COL9A1: variants seen among roughly 807,000 people sequenced by gnomAD.
COL9A1 encodes the protein collagen alpha-1(IX) chain.
In COL9A1, 104 loss-of-function variants were observed where a neutral mutation model predicts 142.6. The observed-to-expected ratio is 0.73, with a 90% CI of 0.62 to 0.86. COL9A1 has a LOEUF of 0.86. COL9A1 is among the 40% of genes least tolerant of loss of function. COL9A1 has a pLI of 0.00. For missense variants in COL9A1, 1,210 were observed against 1,176.6 expected (o/e 1.03, Z -0.42); for synonymous variants, 466 against 396.0 (o/e 1.18, Z -2.10).
At chr6:70,251,067 A>T (rs1268769851) in intron 28 of COL9A1, among the ~76,000 whole-genome samples, 23 of 152,334 alleles carry the variant, frequency 1.5e-4, no homozygotes, top group Non-Finnish European at 5.9e-5. Flanking sequence ...ACGGCCAAAA[A>T]ATGGAAACAA....
chr6:70,281,067 C>A (rs200362366), intron 8 of COL9A1, 28 bp from the exon 9 acceptor site: 390 of 1,596,876 alleles, frequency 2.4e-4, no homozygotes, highest in Non-Finnish European at 3.2e-4. Flanking sequence ...AAAGAGAGAG[C>A]AGTCTATGAG....
chr6:70,289,249 T>C (rs1773568280), intron 5 of COL9A1, among the ~76,000 whole-genome samples: 1 of 152,204 alleles, frequency 6.6e-6, no homozygotes, highest in African/African-American at 2.4e-5. Flanking sequence ...CTTTATGGTC[T>C]TAGCCCATGT....
intron 5 of COL9A1, among the ~76,000 whole-genome samples, chr6:70,293,324 C>G (rs757443379): frequency 6.6e-6 from 1 of 152,110 alleles, no homozygotes. Flanking sequence ...TATAAAACAT[C>G]CTTTTAAAGC....
chr6:70,279,769 A>G lies in COL9A1; in HGVS notation c.975+1043T>C, dbSNP rs1773017973. 5 of 434,536 alleles carry G rather than the reference A, an allele frequency of 1.2e-5. No homozygotes were observed. The South Asian group carries it at 2.4e-4, about 21-fold the overall frequency. The allele number at this position is 434,536 out of a possible 1,614,324, so 26.9% of individuals were successfully genotyped here. On this transcript the variant is annotated intron_variant, in intron 10 of 37. Transcript: ENST00000357250. ...AAAGAAAGCACACCTTAATAACAGT[A>G]AAAATCCAGTTATTTATTTTTCTTT...
At chr6:70,261,712 A>G (rs1359951268) in intron 19 of COL9A1, among the ~76,000 whole-genome samples, 2 of 152,222 alleles carry the variant, frequency 1.3e-5, no homozygotes, top group Non-Finnish European at 2.9e-5. Context: ...AGATGTGGCC[A>G]TATCAGATGA....
intron 7 of COL9A1, 54 bp downstream of exon 7, chr6:70,282,844 G>T: frequency 6.2e-7 from 1 of 1,613,430 alleles, no homozygotes; most frequent in East Asian, 2.2e-5. Context: ...GCTGCGCCCC[G>T]ACCTGTCCTC....
chr6:70,276,050 A>G (rs186575998), intron 10 of COL9A1, among the ~76,000 whole-genome samples: 36 of 152,328 alleles, frequency 2.4e-4, no homozygotes, highest in Admixed American at 1.8e-3. Flanking sequence ...AATAGAAAAA[A>G]ATGAGTTGAA....
chr6:70,282,479 A>C (rs1299387705), intron 7 of COL9A1, among the ~76,000 whole-genome samples: 1 of 147,314 alleles, frequency 6.8e-6, no homozygotes, highest in South Asian at 2.3e-4. Flanking sequence ...GGGTTAGTGC[A>C]GCTACGGCGG....
intron 5 of COL9A1, among the ~76,000 whole-genome samples, chr6:70,286,808 CAT>C (rs574560461): frequency 2.0e-3 from 305 of 152,278 alleles, no homozygotes; most frequent in African/African-American, 7.0e-3. Context: ...AGGCAGCACT[CAT>C]ATTTAACGCA....
chr6:70,218,301 G>T (rs1473604567), intron 37 of COL9A1, among the ~76,000 whole-genome samples: 1 of 152,180 alleles, frequency 6.6e-6, no homozygotes, highest in Non-Finnish European at 1.5e-5. Context: ...ACCCCAACAT[G>T]AACTTTGCAA....
chr6:70,241,027 G>A (rs1433576405), intron 31 of COL9A1, among the ~76,000 whole-genome samples: 3 of 152,144 alleles, frequency 2.0e-5, no homozygotes, highest in Non-Finnish European at 4.4e-5. Flanking sequence ...AGTAGAAAAA[G>A]GAACCCAGGG....
At chr6:70,254,814 A>G (rs1771171741) in intron 24 of COL9A1, 149 bp downstream of exon 24, 1 of 795,848 alleles carries the variant, frequency 1.3e-6, no homozygotes, top group Non-Finnish European at 2.2e-6. Context: ...AGTATTTCAT[A>G]TTTGACACTT....
intron 36 of COL9A1, among the ~76,000 whole-genome samples, chr6:70,227,087 T>C (rs1769276349): frequency 6.6e-6 from 1 of 151,934 alleles, no homozygotes; most frequent in Non-Finnish European, 1.5e-5. Context: ...AACAATTCAG[T>C]AAATGGTATT....
At chr6:70,244,821 T>C (rs547497057) in intron 28 of COL9A1, among the ~76,000 whole-genome samples, 1 of 152,332 alleles carries the variant, frequency 6.6e-6, no homozygotes, top group South Asian at 2.1e-4. Context: ...CTGTCTTTTC[T>C]AAGTTCTTAT....
chr6:70,239,150 G>A (rs1770092193), intron 33 of COL9A1, 104 bp downstream of exon 33: 8 of 794,232 alleles, frequency 1.0e-5, no homozygotes, highest in South Asian at 1.6e-5. Flanking sequence ...AAAAAAAAAA[G>A]AATTGAATGT....
chr6:70,275,839 T>C (rs1188509555), intron 10 of COL9A1, among the ~76,000 whole-genome samples: 1 of 152,028 alleles, frequency 6.6e-6, no homozygotes, highest in Non-Finnish European at 1.5e-5. Flanking sequence ...ACCCAAACAA[T>C]ATTGACAGAG....
At chr6:70,229,251 T>C (rs1022910787) in intron 36 of COL9A1, among the ~76,000 whole-genome samples, 6 of 152,170 alleles carry the variant, frequency 3.9e-5, no homozygotes, top group African/African-American at 7.2e-5. Flanking sequence ...TCGACAAGGT[T>C]AATCTATTAC....
chr6:70,294,521 CAAG>C lies in COL9A1; in HGVS notation c.339_341del (p.Phe113del). On this transcript the variant is annotated inframe_deletion, in exon 5 of 38. Transcript: ENST00000357250. ...TGCTTCCAGTCATTCGAAACGTCGT[CAAG>C]AAGGAGTATTCTTCAGGCAGTCCAC... 4 of 1,614,052 alleles carry C rather than the reference CAAG, an allele frequency of 2.5e-6. No homozygotes were observed. The highest frequency in any genetic ancestry group is 3.4e-6 in the Non-Finnish European group (4 of 1,179,932).
At chr6:70,259,071 G>A (rs1322914150) in intron 20 of COL9A1, among the ~76,000 whole-genome samples, 62 of 152,030 alleles carry the variant, frequency 4.1e-4, no homozygotes, top group Non-Finnish European at 8.8e-5. Flanking sequence ...AAGAAATATT[G>A]ATTGAAAAGA....
Sources: gnomAD v4.1 joint callset for allele counts (sites outside exome capture counted in the v4.1 genomes callset) on GRCh38, gnomAD v4.1.1 for gene constraint, MANE v1.5 for transcripts, NCBI Gene and HGNC (gene_info 2026-07-23, HGNC 2026-07-21) for gene names.